Variants in SPATS1 observed in about 807,000 individuals in gnomAD.
SPATS1 encodes the protein spermatogenesis-associated serine-rich protein 1.
In SPATS1, 23 loss-of-function variants were observed where a neutral mutation model predicts 33.6. The ratio of observed to expected loss-of-function variants is 0.68; its 90% CI spans 0.49 to 0.97. SPATS1 has a LOEUF of 0.97. Ranked by LOEUF, SPATS1 falls within the 50% of genes least tolerant of loss-of-function variation. SPATS1 has a pLI of 0.00. For missense variants in SPATS1, 327 were observed against 361.0 expected (o/e 0.91, Z 0.76); for synonymous variants, 131 against 125.6 (o/e 1.04, Z -0.29).
chr6:44,352,876 A>G lies in SPATS1; in HGVS notation c.287+3A>G, dbSNP rs1270655734. ...CCCAGAGTGTCTGCTTACGTAGAGTAAGTAAGGGTCTGGTGCAGAGCTGTC... is the reference window on the plus strand; with the variant it reads ...CCCAGAGTGTCTGCTTACGTAGAGTGAGTAAGGGTCTGGTGCAGAGCTGTC... On this transcript the variant is annotated splice_donor_region_variant and intron_variant, in intron 3 of 8. Transcript: ENST00000674044. 6.2e-7 allele frequency: 1 copy of G among 1,613,904 alleles called. No homozygotes were observed. Among genetic ancestry groups the G allele is most frequent in the African/African-American group, 1.3e-5 (1 of 75,012 alleles).
At chr6:44,358,834 G>A (rs1430598714) in intron 3 of SPATS1, among the ~76,000 whole-genome samples, 1 of 152,098 alleles carries the variant, frequency 6.6e-6, no homozygotes, top group African/African-American at 2.4e-5. Context: ...TTTGGTGTCT[G>A]GCTTCTTTCA....
At chr6:44,356,538 T>C (rs1157503345) in intron 3 of SPATS1, among the ~76,000 whole-genome samples, 1 of 152,218 alleles carries the variant, frequency 6.6e-6, no homozygotes, top group Non-Finnish European at 1.5e-5. Context: ...TGGCCACAGC[T>C]GTGGGCTCAT....
Position 44,345,015 on chromosome 6 carries a change from A to G in SPATS1, c.139+1781A>G, listed in dbSNP as rs554460843. ...GAGCTAGATGGGGGAGAGGGCAGCCACTGGGAGCTGGGCGTGGAGAAGTAA... is the reference window on the plus strand; with the variant it reads ...GAGCTAGATGGGGGAGAGGGCAGCCGCTGGGAGCTGGGCGTGGAGAAGTAA... On this transcript the variant is annotated intron_variant, in intron 2 of 8. Coordinates refer to ENST00000674044, the MANE Select transcript of SPATS1 (RefSeq NM_001372081.1). Among the ~76,000 whole-genome samples, 21 of 152,256 alleles carry G rather than the reference A, an allele frequency of 1.4e-4. 1 individual carries two copies. The East Asian group carries it at 4.1e-3, about 29-fold the overall frequency.
chr6:44,364,179 G>A (rs1476834725), intron 5 of SPATS1, among the ~76,000 whole-genome samples: 1 of 152,090 alleles, frequency 6.6e-6, no homozygotes, highest in Non-Finnish European at 1.5e-5. Flanking sequence ...GCCTCTGATA[G>A]ATAAGGATTA....
chr6:44,357,971 A>C (rs1788690063), intron 3 of SPATS1, among the ~76,000 whole-genome samples: 1 of 152,164 alleles, frequency 6.6e-6, no homozygotes, highest in Non-Finnish European at 1.5e-5. Context: ...CTTGTGAAGA[A>C]GCTCATCTGC....
chr6:44,369,216 G>T (rs1789444307), intron 6 of SPATS1, among the ~76,000 whole-genome samples: 1 of 152,096 alleles, frequency 6.6e-6, no homozygotes, highest in Non-Finnish European at 1.5e-5. Context: ...TAACCATGTG[G>T]GATATAATGA....
chr6:44,346,271 A>C, intron 2 of SPATS1, among the ~76,000 whole-genome samples: 3 of 105,996 alleles, frequency 2.8e-5, no homozygotes, highest in Admixed American at 1.1e-4. Flanking sequence ...ACAGAACAAG[A>C]CCCTGTCTCA....
intron 3 of SPATS1, among the ~76,000 whole-genome samples, chr6:44,353,775 C>T (rs903424001): frequency 7.9e-5 from 12 of 152,138 alleles, no homozygotes; most frequent in African/African-American, 2.2e-4. Context: ...AGGTGGCTCA[C>T]GCCTGTAATC....
chr6:44,365,799 C>T (rs957323632), intron 5 of SPATS1, among the ~76,000 whole-genome samples: 2 of 152,148 alleles, frequency 1.3e-5, no homozygotes, highest in Non-Finnish European at 2.9e-5. Flanking sequence ...TTTCTACCTC[C>T]TGAATGTCTA....
chr6:44,372,749 C>T (rs552616991), intron 7 of SPATS1, among the ~76,000 whole-genome samples: 45 of 152,346 alleles, frequency 3.0e-4, no homozygotes, highest in Non-Finnish European at 4.7e-4. Context: ...CGTGAGCCAC[C>T]GCAACAGGCC....
At chr6:44,370,146 A>C (rs1226632345) in intron 7 of SPATS1, 33 bp downstream of exon 7, 26 of 1,558,550 alleles carry the variant, frequency 1.7e-5, no homozygotes, top group African/African-American at 2.7e-5. Context: ...GTGTTATCCC[A>C]TCTTTATTAA....
At chr6:44,363,711 C>G (rs893364773) in intron 5 of SPATS1, among the ~76,000 whole-genome samples, 1 of 148,370 alleles carries the variant, frequency 6.7e-6, no homozygotes, top group African/African-American at 2.5e-5. Context: ...TCCCTCCTTC[C>G]TTCCTTTTTC....
chr6:44,376,822 A>T (rs551158952), intron 8 of SPATS1, among the ~76,000 whole-genome samples: 99 of 151,358 alleles, frequency 6.5e-4, no homozygotes, highest in Non-Finnish European at 1.2e-3. Context: ...AACAAACAAA[A>T]CAAAACTGGA....
At chr6:44,351,582 T>C (rs1021390809) in intron 2 of SPATS1, among the ~76,000 whole-genome samples, 9 of 152,236 alleles carry the variant, frequency 5.9e-5, no homozygotes, top group Non-Finnish European at 1.3e-4. Context: ...TGCATAATCT[T>C]TTCATCGGAC....
In SPATS1 at chr6:44,377,201, T is replaced by G. The variant is rs1204512555; in HGVS notation, c.*138T>G. On this transcript the variant is annotated 3_prime_UTR_variant, in exon 9 of 9. Transcript: ENST00000674044. ...TGTTGTGCTTTGCTTTTTTAAAACT[T>G]TATATTTTGAAAACTTTCACATTTA... The G allele has an allele frequency of 9.2e-7, 1 of 1,082,062 alleles. No homozygotes were observed. The allele number at this position is 1,082,062 out of a possible 1,614,324, so 67.0% of individuals were successfully genotyped here. A position where few individuals can be genotyped will look rare whatever the true frequency, so the allele number is the denominator to read the frequency against.
intron 3 of SPATS1, among the ~76,000 whole-genome samples, chr6:44,358,540 C>G (rs1723443261): frequency 2.6e-5 from 4 of 151,938 alleles, no homozygotes; most frequent in Non-Finnish European, 5.9e-5. Context: ...TTTTTGGTAA[C>G]AGATTTATTT....
intron 6 of SPATS1, 139 bp from the exon 7 acceptor site, chr6:44,369,912 T>TAAAATAAAATAAAATAAAAA (rs1554154194): frequency 4.4e-6 from 2 of 455,018 alleles, no homozygotes; most frequent in African/African-American, 4.1e-5. Flanking sequence ...TAAAATAAAA[T>TAAAATAAAATAAAATAAAAA]CTGCGGTTCT....
intron 4 of SPATS1, chr6:44,361,413 C>T (rs1788913427): frequency 1.0e-6 from 1 of 985,286 alleles, no homozygotes; most frequent in African/African-American, 1.7e-5. Context: ...GTTTCCTCCA[C>T]TTGAGGTGCC....
chr6:44,345,360 A>C (rs538060979), intron 2 of SPATS1, among the ~76,000 whole-genome samples: 185 of 152,250 alleles, frequency 1.2e-3, no homozygotes, highest in Non-Finnish European at 2.1e-3. Flanking sequence ...GCCACAGGCC[A>C]CTTTCTAGAG....
Sources: gnomAD v4.1 joint callset for allele counts (sites outside exome capture counted in the v4.1 genomes callset) on GRCh38, gnomAD v4.1.1 for gene constraint, MANE v1.5 for transcripts, NCBI Gene and HGNC (gene_info 2026-07-23, HGNC 2026-07-21) for gene names.